The following KCTD7 variants were observed in gnomAD, a reference collection of about 807,000 sequenced individuals.
The protein encoded by KCTD7 is potassium channel tetramerization domain containing 7, also known as BTB/POZ domain-containing protein KCTD7.
KCTD7 carries 15 observed loss-of-function variants against 27.0 expected under a neutral mutation model. That is an observed-to-expected ratio of 0.56 (90% CI 0.37 to 0.86). The LOEUF (loss-of-function observed/expected upper bound fraction) is 0.86. Among genes scored for constraint, KCTD7 ranks in the 40% least tolerant of loss-of-function variants. The pLI, the probability that KCTD7 is intolerant of heterozygous loss-of-function variation, is 0.00. For synonymous variants in KCTD7, 159 were observed against 162.7 expected (o/e 0.98, Z 0.17); for missense variants, 299 against 398.9 (o/e 0.75, Z 2.13).
intron 2 of KCTD7, among the ~76,000 whole-genome samples, chr7:66,637,341 C>T (rs1786611193): frequency 6.6e-6 from 1 of 152,184 alleles, no homozygotes; most frequent in African/African-American, 2.4e-5. Context: ...CCACCTCGGC[C>T]TCCCAAAGTG....
rs1786719863 is a variant in KCTD7 at position 66,641,622 on chromosome 7, C to T, written c.*2390C>T. The T allele has an allele frequency of 1.0e-6, 1 of 985,316 alleles. No homozygotes were observed. Among genetic ancestry groups the T allele is most frequent in the South Asian group, 4.7e-5 (1 of 21,298 alleles). 61.0% of individuals were successfully genotyped at this position (985,316 alleles called of 1,614,324 possible). A position where few individuals can be genotyped will look rare whatever the true frequency, so the allele number is the denominator to read the frequency against. ...TTTGTGATCCTCACAGTAATGTATT[C>T]TGTGCCACTGTAGGACACAAGGCTC... On this transcript the variant is annotated 3_prime_UTR_variant, in exon 4 of 4. Transcript: ENST00000639828.
rs1440055692 is a variant in KCTD7 at position 66,638,882 on chromosome 7, G to A, written c.520G>A (p.Ala174Thr). ...CCACTTGGAGCGGATTGTGGAGATCGCCCGGCTGCGTGCGGTCCAGCGGAA... is the reference window on the plus strand; with the variant it reads ...CCACTTGGAGCGGATTGTGGAGATCACCCGGCTGCGTGCGGTCCAGCGGAA... ...KDHLERIVEI[A>T]RLRAVQRKAR... The change falls in exon 4 of 4, where the codon GCC becomes ACC. Residue 174 changes from alanine to threonine, a missense_variant. Physicochemically the swap from Ala to Thr is moderately conservative, Grantham distance 58 (BLOSUM62 0). Coordinates refer to ENST00000639828, the MANE Select transcript of KCTD7 (RefSeq NM_153033.5). The A allele has an allele frequency of 8.7e-6, 14 of 1,613,670 alleles. No homozygotes were observed. The highest frequency in any genetic ancestry group is 1.1e-5 in the Non-Finnish European group (13 of 1,179,970).
In KCTD7 at chr7:66,638,923, G is replaced by T; in HGVS notation, c.561G>T (p.Lys187Asn). 6.2e-7 allele frequency: 1 copy of T among 1,614,214 alleles called. No homozygotes were observed. Among genetic ancestry groups the T allele is most frequent in the Non-Finnish European group, 8.5e-7 (1 of 1,180,036 alleles). Residue 187 changes from lysine (K) to asparagine (N), a missense_variant, in exon 4 of 4, where the codon AAG becomes AAT. Lys to Asn is a moderately conservative substitution (Grantham distance 94). Transcript: ENST00000639828. Reference protein sequence around the residue: ...RAVQRKARFAKLKVCVFKEEM... With the variant: ...RAVQRKARFANLKVCVFKEEM... Reference sequence around the variant, plus strand: ...TCCAGCGGAAGGCCCGCTTTGCCAAGCTCAAGGTCTGTGTCTTCAAGGAGG... The same window carrying T: ...TCCAGCGGAAGGCCCGCTTTGCCAATCTCAAGGTCTGTGTCTTCAAGGAGG...
At position 66,638,305 on chromosome 7, in the gene KCTD7, C is replaced by T. The variant is rs367608044; in HGVS notation, c.367C>T (p.Arg123Ter). ...GGACCTCCCACCCAGGGAGCGTGTT[C>T]GAGCTGTGTACAAAGAGGCCCAGTA... Reference protein sequence around the residue: ...SGDLPPRERVRAVYKEAQYYA... With the variant: ...SGDLPPRERV Residue 123 changes from arginine (R) to a stop codon, truncating the protein, a stop_gained, in exon 3 of 4, where the codon CGA (arginine) becomes TGA (stop). Transcript: ENST00000639828. LOFTEE classifies it high-confidence loss of function. 3.1e-6 allele frequency: 5 copies of T among 1,614,210 alleles called. No homozygotes were observed. Among genetic ancestry groups the T allele is most frequent in the South Asian group, 1.1e-5 (1 of 91,084 alleles).
intron 2 of KCTD7, among the ~76,000 whole-genome samples, chr7:66,637,179 A>G (rs1786606819): frequency 6.6e-6 from 1 of 152,178 alleles, no homozygotes; most frequent in East Asian, 1.9e-4. Flanking sequence ...TCCACTTCCC[A>G]GGTTGAAGCA....
At chr7:66,630,986 T>C (rs1786429048) in intron 1 of KCTD7, among the ~76,000 whole-genome samples, 1 of 152,236 alleles carries the variant, frequency 6.6e-6, no homozygotes, top group African/African-American at 2.4e-5. Flanking sequence ...TCCAAAATGA[T>C]ATCTGAGCCC....
intron 2 of KCTD7, among the ~76,000 whole-genome samples, chr7:66,634,259 C>T (rs1584396676): frequency 1.3e-5 from 2 of 151,598 alleles, no homozygotes; most frequent in East Asian, 3.9e-4. Flanking sequence ...TGCTGTGTTG[C>T]CCAGACTGGT....
chr7:66,629,581 G>C (rs1331832982), intron 1 of KCTD7, among the ~76,000 whole-genome samples: 1 of 152,024 alleles, frequency 6.6e-6, no homozygotes, highest in Non-Finnish European at 1.5e-5. Context: ...ACCGTAGCTC[G>C]AGCCTGTAAT....
intron 3 of KCTD7, 65 bp from the exon 4 acceptor site, chr7:66,638,791 G>A (rs1786644463): frequency 1.3e-6 from 2 of 1,592,396 alleles, no homozygotes; most frequent in Non-Finnish European, 8.6e-7. Flanking sequence ...CTGTTTCTCT[G>A]TGCATCTCTG....
rs9791713 is a variant in KCTD7 at position 66,640,211 on chromosome 7, C to A, written c.*979C>A. The A allele has an allele frequency of 0.64, 917,535 of 1,442,998 alleles. 293,955 individuals are homozygous for A. The highest frequency in any genetic ancestry group is 0.77 in the African/African-American group (53,566 of 69,994). 89.4% of individuals were successfully genotyped at this position (1,442,998 alleles called of 1,614,324 possible). A position where few individuals can be genotyped will look rare whatever the true frequency, so the allele number is the denominator to read the frequency against. On this transcript the variant is annotated 3_prime_UTR_variant, in exon 4 of 4. Transcript: ENST00000639828. ...GGTAACATTCTCCTTCTAGGAGAGC[C>A]TCTCTTCTGAGAAGGTAAAGGAAGG...
rs1786722388 is a variant in KCTD7 at position 66,641,712 on chromosome 7, G to C, written c.*2480G>C. On this transcript the variant is annotated 3_prime_UTR_variant, in exon 4 of 4. Transcript: ENST00000639828. ...AAGCTGAGAGCTCTTTCTAAATGGA[G>C]TGAAGGAATTCAGTGGCCTAGTTTC... is the stretch of plus-strand genomic sequence containing the variant. 5.1e-6 allele frequency: 5 copies of C among 985,468 alleles called. No individual in the cohort carries two copies. The highest frequency in any genetic ancestry group is 6.0e-6 in the Non-Finnish European group (5 of 829,946). 61.0% of individuals were successfully genotyped at this position (985,468 alleles called of 1,614,324 possible).
At chr7:66,634,834 G>T (rs1222325311) in intron 2 of KCTD7, among the ~76,000 whole-genome samples, 1 of 151,578 alleles carries the variant, frequency 6.6e-6, no homozygotes, top group Non-Finnish European at 1.5e-5. Context: ...ACACTAAAAT[G>T]TGGAAAAACA....
chr7:66,629,872 A>G (rs1372829220), intron 1 of KCTD7, among the ~76,000 whole-genome samples: 5 of 152,178 alleles, frequency 3.3e-5, no homozygotes, highest in African/African-American at 9.7e-5. Flanking sequence ...CTGGCATCCC[A>G]TGGCTTTCAC....
In KCTD7 at chr7:66,641,630, C is replaced by T. The variant is rs558064744; in HGVS notation, c.*2398C>T. 31 of 985,424 alleles carry T rather than the reference C, an allele frequency of 3.1e-5. 1 individual carries two copies. In the South Asian group the frequency reaches 1.3e-3, roughly 42 times the overall value. 61.0% of individuals were successfully genotyped at this position (985,424 alleles called of 1,614,324 possible). ...CCTCACAGTAATGTATTCTGTGCCA[C>T]TGTAGGACACAAGGCTCTGGGCCAG... On this transcript the variant is annotated 3_prime_UTR_variant, in exon 4 of 4. Transcript: ENST00000639828.
Position 66,642,847 on chromosome 7 carries a change from GTGGGAACAAACAGTGAGTA to G in KCTD7, c.*3624_*3642del, listed in dbSNP as rs1786751731. On this transcript the variant is annotated 3_prime_UTR_variant, in exon 4 of 4. Coordinates refer to ENST00000639828, the MANE Select transcript of KCTD7 (RefSeq NM_153033.5). ...TGGGGGTTGGCAGGGGTTGAGGGAG[GTGGGAACAAACAGTGAGTA>G]TGGGAACAGGCAGTCACCTCGAGTG... 11 of 985,266 alleles carry G rather than the reference GTGGGAACAAACAGTGAGTA, an allele frequency of 1.1e-5. No individual in the cohort carries two copies. The highest frequency in any genetic ancestry group is 1.2e-4 in the Admixed American group (2 of 16,242). 61.0% of individuals were successfully genotyped at this position (985,266 alleles called of 1,614,324 possible). A position where few individuals can be genotyped will look rare whatever the true frequency, so the allele number is the denominator to read the frequency against.
chr7:66,639,198 G>A lies in KCTD7; in HGVS notation c.836G>A (p.Arg279His), dbSNP rs768924233. The A allele has an allele frequency of 4.3e-6, 7 of 1,613,372 alleles. No individual in the cohort carries two copies. The highest frequency in any genetic ancestry group is 5.9e-6 in the Non-Finnish European group (7 of 1,180,032). The change falls in exon 4 of 4, where the codon CGC becomes CAC. Residue 279 changes from arginine (R) to histidine (H), a missense_variant. Arg to His is a conservative substitution (Grantham distance 29). Coordinates refer to ENST00000639828, the MANE Select transcript of KCTD7 (RefSeq NM_153033.5). The stretch of plus-strand genomic sequence containing the variant: ...CTCGTGAACCACTACTACTGCAAGC[G>A]CCCCATCTATGAGTTCAAGATCACA... Reference protein sequence around the residue: ...KHLVNHYYCKRPIYEFKITWW With the variant: ...KHLVNHYYCKHPIYEFKITWW
In KCTD7 at chr7:66,640,721, T is replaced by C. The variant is rs1304567517; in HGVS notation, c.*1489T>C. ...AGCACACACCTGTAGTACCAGCTAC[T>C]CTGGAGGCTGAGGCAGGAGGATCAC... On this transcript the variant is annotated 3_prime_UTR_variant, in exon 4 of 4. Transcript: ENST00000639828. 1 of 1,138,332 alleles carries C rather than the reference T, an allele frequency of 8.8e-7. No homozygotes were observed. Among genetic ancestry groups the C allele is most frequent in the East Asian group, 5.3e-5 (1 of 18,776 alleles). 70.5% of individuals were successfully genotyped at this position (1,138,332 alleles called of 1,614,324 possible).
chr7:66,632,950 C>T (rs1198085899), intron 1 of KCTD7, among the ~76,000 whole-genome samples: 7 of 151,018 alleles, frequency 4.6e-5, no homozygotes, highest in East Asian at 2.0e-4. Context: ...CCAGCTACTC[C>T]GGGAGGCTGA....
rs1257976482 is a variant in KCTD7 at position 66,637,154 on chromosome 7, T to C, written c.315-1099T>C. 5.3e-5 allele frequency among the ~76,000 whole-genome samples: 8 copies of C among 152,220 alleles called. 1 individual carries two copies. Reference sequence around the variant, plus strand: ...AGACTGGAGTGCAGTGGCGTGATCTTAGCTCACTGCAACCTCCACTTCCCA... The same window carrying C: ...AGACTGGAGTGCAGTGGCGTGATCTCAGCTCACTGCAACCTCCACTTCCCA... On this transcript the variant is annotated intron_variant, in intron 2 of 3. Transcript: ENST00000639828.
Sources: gnomAD v4.1 joint callset for allele counts (sites outside exome capture counted in the v4.1 genomes callset) on GRCh38, gnomAD v4.1.1 for gene constraint, MANE v1.5 for transcripts, NCBI Gene and HGNC (gene_info 2026-07-23, HGNC 2026-07-21) for gene names.